The following ABTB3 variants were observed in gnomAD, a reference collection of about 807,000 sequenced individuals.
ABTB3 encodes the protein ankyrin repeat- and BTB/POZ domain-containing protein 3.
At chr12:107,457,996 T>A in the ABTB3 span, among the ~76,000 whole-genome samples, 2 of 152,208 alleles carry the variant, frequency 1.3e-5, no homozygotes, top group African/African-American at 4.8e-5. Context: ...ATAATAACAT[T>A]GTGAAGATTT....
the ABTB3 span, among the ~76,000 whole-genome samples, chr12:107,456,931 T>C: frequency 0.036 from 5,438 of 152,014 alleles, 176 homozygotes; most frequent in East Asian, 0.17. Context: ...GTGATCTCAG[T>C]TCACTGCAGC....
chr12:107,378,554 A>G, the ABTB3 span, among the ~76,000 whole-genome samples: 1 of 152,124 alleles, frequency 6.6e-6, no homozygotes, highest in Admixed American at 6.5e-5. Flanking sequence ...GCTGTCCAAC[A>G]ATGCACCCCA....
At chr12:107,578,133 AT>A in the ABTB3 span, among the ~76,000 whole-genome samples, 1 of 152,050 alleles carries the variant, frequency 6.6e-6, no homozygotes, top group African/African-American at 2.4e-5. Flanking sequence ...AAATAATGCT[AT>A]TTTTTCCCCT....
At chr12:107,520,619 G>T in the ABTB3 span, 2 of 1,614,170 alleles carry the variant, frequency 1.2e-6, no homozygotes, top group Admixed American at 1.7e-5. Flanking sequence ...ACGCGCGTAG[G>T]CAGCATCGCC....
the ABTB3 span, among the ~76,000 whole-genome samples, chr12:107,386,613 AG>A: frequency 6.6e-6 from 1 of 152,208 alleles, no homozygotes; most frequent in East Asian, 1.9e-4. Context: ...AGAGTTAAAA[AG>A]AGTATCTGCC....
At chr12:107,380,272 A>G in the ABTB3 span, among the ~76,000 whole-genome samples, 5 of 152,126 alleles carry the variant, frequency 3.3e-5, no homozygotes, top group Non-Finnish European at 4.4e-5. Flanking sequence ...TATGGTTTTC[A>G]TTACTCTCCT....
At chr12:107,536,975 TATG>T in the ABTB3 span, among the ~76,000 whole-genome samples, 1 of 152,192 alleles carries the variant, frequency 6.6e-6, no homozygotes, top group African/African-American at 2.4e-5. Context: ...TGGATCAACC[TATG>T]ATGAATTCAT....
chr12:107,503,894 T>C, the ABTB3 span, among the ~76,000 whole-genome samples: 2 of 152,090 alleles, frequency 1.3e-5, no homozygotes, highest in Non-Finnish European at 2.9e-5. Flanking sequence ...TAATAAAAAG[T>C]TGAGAAACAT....
At chr12:107,387,741 TC>T in the ABTB3 span, among the ~76,000 whole-genome samples, 2 of 152,160 alleles carry the variant, frequency 1.3e-5, no homozygotes, top group Non-Finnish European at 2.9e-5. Flanking sequence ...TAGCAGTGAC[TC>T]CTTCCTCAGA....
the ABTB3 span, among the ~76,000 whole-genome samples, chr12:107,512,864 T>A: frequency 6.6e-6 from 1 of 152,196 alleles, no homozygotes; most frequent in Non-Finnish European, 1.5e-5. Flanking sequence ...TTTTTAATCT[T>A]CCTCCAACCC....
chr12:107,569,777 A>G, the ABTB3 span, among the ~76,000 whole-genome samples: 1 of 152,242 alleles, frequency 6.6e-6, no homozygotes, highest in Non-Finnish European at 1.5e-5. Flanking sequence ...ATAGAAGTTT[A>G]TCATACAGAC....
At chr12:107,448,066 A>G in the ABTB3 span, among the ~76,000 whole-genome samples, 17 of 152,188 alleles carry the variant, frequency 1.1e-4, no homozygotes, top group Non-Finnish European at 2.5e-4. Flanking sequence ...AACCTTGTGA[A>G]AGTAAGTTCT....
chr12:107,616,524 A>T, the ABTB3 span, among the ~76,000 whole-genome samples: 3 of 152,136 alleles, frequency 2.0e-5, no homozygotes, highest in Non-Finnish European at 4.4e-5. Flanking sequence ...CTGGAAGCTC[A>T]CTCTGCCACT....
At chr12:107,454,611 T>A in the ABTB3 span, among the ~76,000 whole-genome samples, 1 of 152,098 alleles carries the variant, frequency 6.6e-6, no homozygotes, top group Non-Finnish European at 1.5e-5. Flanking sequence ...CCTTGCCACC[T>A]TTTCAGGCAG....
the ABTB3 span, among the ~76,000 whole-genome samples, chr12:107,639,061 T>C: frequency 6.6e-6 from 1 of 152,106 alleles, no homozygotes. Flanking sequence ...ACCAAGGGTG[T>C]CTGATCAGTA....
the ABTB3 span, among the ~76,000 whole-genome samples, chr12:107,569,108 G>A: frequency 6.6e-6 from 1 of 152,176 alleles, no homozygotes; most frequent in Non-Finnish European, 1.5e-5. Context: ...CCACCCAGTG[G>A]CAAAGACATT....
the ABTB3 span, among the ~76,000 whole-genome samples, chr12:107,461,082 A>C: frequency 6.6e-6 from 1 of 152,194 alleles, no homozygotes; most frequent in African/African-American, 2.4e-5. Context: ...AAGCAAAGGC[A>C]CGTCCTACAT....
At chr12:107,320,586 C>T in the ABTB3 span, 3 of 456,002 alleles carry the variant, frequency 6.6e-6, no homozygotes, top group African/African-American at 2.0e-5. Context: ...GGCCTGGCGG[C>T]CGTACCGGCT....
At chr12:107,439,796 C>A in the ABTB3 span, among the ~76,000 whole-genome samples, 1 of 152,066 alleles carries the variant, frequency 6.6e-6, no homozygotes, top group African/African-American at 2.4e-5. Context: ...ACAAACATAC[C>A]CATCCCCTCT....
Sources: gnomAD v4.1 joint callset for allele counts (sites outside exome capture counted in the v4.1 genomes callset) on GRCh38, gnomAD v4.1.1 for gene constraint, MANE v1.5 for transcripts, NCBI Gene and HGNC (gene_info 2026-07-23, HGNC 2026-07-21) for gene names.